CRACD: variants seen among roughly 807,000 people sequenced by gnomAD.
CRACD encodes capping protein inhibiting regulator of actin dynamics.
In CRACD, 56 loss-of-function variants were observed where a neutral mutation model predicts 106.8. The ratio of observed to expected loss-of-function variants is 0.52; its 90% CI spans 0.42 to 0.66. CRACD has a LOEUF of 0.66. CRACD is among the 30% of genes least tolerant of loss of function. The pLI is 0.00. For missense variants in CRACD, 1,730 were observed against 1,623.2 expected, an observed-to-expected ratio of 1.07 and a Z score of -1.13; for synonymous variants, 754 against 670.8, an observed-to-expected ratio of 1.12 and a Z score of -1.92.
At chr4:56,169,592 G>C (rs1736279103) in intron 1 of CRACD, among the ~76,000 whole-genome samples, 1 of 152,050 alleles carries the variant, frequency 6.6e-6, no homozygotes, top group South Asian at 2.1e-4. Flanking sequence ...TACCTCCTAG[G>C]CTCAAGCAAT....
chr4:56,073,211 C>G (rs184750016), intron 1 of CRACD, among the ~76,000 whole-genome samples: 18 of 152,336 alleles, frequency 1.2e-4, no homozygotes, highest in African/African-American at 3.8e-4. Flanking sequence ...AACTAGTTTA[C>G]ACTCCCACCA....
chr4:56,233,973 G>A (rs1041458501), intron 2 of CRACD, among the ~76,000 whole-genome samples: 4 of 151,596 alleles, frequency 2.6e-5, no homozygotes, highest in Non-Finnish European at 5.9e-5. Flanking sequence ...TATAATTTCA[G>A]TTTTCAGTTG....
At chr4:56,070,401 G>A (rs1484474462) in intron 1 of CRACD, among the ~76,000 whole-genome samples, 1 of 150,776 alleles carries the variant, frequency 6.6e-6, no homozygotes, top group African/African-American at 2.5e-5. Flanking sequence ...CCGGGTTCAC[G>A]CCATTCTTCT....
chr4:56,128,058 T>G (rs1734714928), intron 1 of CRACD, among the ~76,000 whole-genome samples: 1 of 152,080 alleles, frequency 6.6e-6, no homozygotes. Flanking sequence ...GGCACTAGAA[T>G]TTGAGCGAAA....
intron 2 of CRACD, among the ~76,000 whole-genome samples, chr4:56,179,672 G>T (rs1372873813): frequency 6.6e-6 from 1 of 152,140 alleles, no homozygotes; most frequent in Admixed American, 6.5e-5. Context: ...ATCTATAAAA[G>T]AAAGTTTCAT....
At chr4:56,053,152 G>A (rs929277545) in intron 1 of CRACD, among the ~76,000 whole-genome samples, 5 of 152,120 alleles carry the variant, frequency 3.3e-5, no homozygotes, top group African/African-American at 4.8e-5. Context: ...ACTTCATTAC[G>A]AATGAATGTC....
chr4:56,255,844 T>C (rs1741324024), intron 2 of CRACD, among the ~76,000 whole-genome samples: 1 of 152,246 alleles, frequency 6.6e-6, no homozygotes, highest in Non-Finnish European at 1.5e-5. Flanking sequence ...TGTGTTACTT[T>C]GGCCCATTTA....
At position 56,330,151 on chromosome 4, in the gene CRACD, CT is replaced by C. The variant is rs1746711452; in HGVS notation, c.*2356del. Among the ~76,000 whole-genome samples, 2 of 149,478 alleles carry C rather than the reference CT, an allele frequency of 1.3e-5. No homozygotes were observed. Among genetic ancestry groups the C allele is most frequent in the African/African-American group, 2.4e-5 (1 of 40,840 alleles). ...GTAAAAACATATAAAAAGTTCAAGA[CT>C]TTTTTTTTAAATGAATGATCACTAT... On this transcript the variant is annotated 3_prime_UTR_variant, in exon 11 of 11. Transcript: ENST00000682029.
intron 2 of CRACD, among the ~76,000 whole-genome samples, chr4:56,184,907 A>G (rs1737016724): frequency 6.6e-6 from 1 of 152,228 alleles, no homozygotes; most frequent in Non-Finnish European, 1.5e-5. Flanking sequence ...TTCACATAGC[A>G]TGAAATTAAA....
chr4:56,110,511 G>A (rs2109841693), intron 1 of CRACD, among the ~76,000 whole-genome samples: 1 of 152,248 alleles, frequency 6.6e-6, no homozygotes, highest in Non-Finnish European at 1.5e-5. Flanking sequence ...ACTAGAGCAG[G>A]GTAGTCCATA....
intron 3 of CRACD, among the ~76,000 whole-genome samples, chr4:56,275,101 CGGT>C: frequency 6.6e-6 from 1 of 152,160 alleles, no homozygotes; most frequent in East Asian, 1.9e-4. Flanking sequence ...GACACAAAGA[CGGT>C]AACAACAGAC....
At chr4:56,254,507 AGG>A (rs1190173776) in intron 2 of CRACD, among the ~76,000 whole-genome samples, 1 of 151,992 alleles carries the variant, frequency 6.6e-6, no homozygotes, top group Non-Finnish European at 1.5e-5. Flanking sequence ...GTGAACACTA[AGG>A]TTTTCATTCT....
Position 56,328,139 on chromosome 4 carries a change from G to T in CRACD, c.*335G>T. On this transcript the variant is annotated 3_prime_UTR_variant, in exon 11 of 11. Transcript: ENST00000682029. ...CACACACCCACCCACACACCATTCA[G>T]AACATGTACTTTTGCCAACCTTTGG... The T allele has an allele frequency of 5.3e-6, 2 of 380,280 alleles. No individual in the cohort carries two copies. The highest frequency in any genetic ancestry group is 1.0e-5 in the Non-Finnish European group (2 of 197,028). 23.6% of individuals were successfully genotyped at this position (380,280 alleles called of 1,614,324 possible). A position where few individuals can be genotyped will look rare whatever the true frequency, so the allele number is the denominator to read the frequency against.
chr4:56,270,534 T>G (rs1424221874), intron 2 of CRACD, among the ~76,000 whole-genome samples: 2 of 152,172 alleles, frequency 1.3e-5, no homozygotes, highest in Non-Finnish European at 2.9e-5. Flanking sequence ...GGGAGTTGTA[T>G]CTGTGCGTTT....
At chr4:56,285,896 T>C (rs1019894575) in intron 3 of CRACD, among the ~76,000 whole-genome samples, 7 of 152,118 alleles carry the variant, frequency 4.6e-5, no homozygotes, top group African/African-American at 1.7e-4. Flanking sequence ...ATGGTAGAAC[T>C]AGGTTTCAGA....
chr4:56,202,339 C>T lies in CRACD; in HGVS notation c.-189+22909C>T, dbSNP rs952153473. On this transcript the variant is annotated intron_variant, in intron 2 of 10. Coordinates refer to ENST00000682029, the MANE Select transcript of CRACD (RefSeq NM_001393381.1). ...TGGCTCACTGGCAACCACCACCTCC[C>T]GGGTTCAAGTGATTCTCTTGCCTCG... is the stretch of plus-strand genomic sequence containing the variant. Among the ~76,000 whole-genome samples, 5 of 152,130 alleles carry T rather than the reference C, an allele frequency of 3.3e-5. No homozygotes were observed. In the South Asian group the frequency reaches 8.3e-4, roughly 25 times the overall value.
chr4:56,180,507 A>G (rs1736774420), intron 2 of CRACD, among the ~76,000 whole-genome samples: 1 of 149,660 alleles, frequency 6.7e-6, no homozygotes, highest in South Asian at 2.1e-4. Flanking sequence ...TAAATAAATA[A>G]ATAAATAAAT....
At chr4:56,246,964 A>G (rs4865075) in intron 2 of CRACD, among the ~76,000 whole-genome samples, 114,079 of 152,146 alleles carry the variant, frequency 0.75, 42,765 homozygotes, top group Middle Eastern at 0.85. Context: ...ACTGCTGTTA[A>G]TATTTAGATA....
At chr4:56,299,231 C>T (rs763526786) in intron 4 of CRACD, among the ~76,000 whole-genome samples, 4 of 152,106 alleles carry the variant, frequency 2.6e-5, no homozygotes, top group Admixed American at 6.5e-5. Flanking sequence ...AAAATCTACT[C>T]GGGTGGTACC....
Sources: allele counts gnomAD v4.1 joint callset (sites outside exome capture counted in the v4.1 genomes callset), GRCh38; gene constraint gnomAD v4.1.1; transcripts MANE v1.5; gene names NCBI Gene and HGNC (gene_info 2026-07-23, HGNC 2026-07-21).